The following LHFPL3 variants were observed in gnomAD, a reference collection of about 807,000 sequenced individuals.
The protein encoded by LHFPL3 is LHFPL tetraspan subfamily member 3 protein.
A neutral mutation model predicts 19.3 loss-of-function variants in LHFPL3; 5 were observed. That is an observed-to-expected ratio of 0.26 (90% CI 0.14 to 0.54). The LOEUF is 0.54. LHFPL3 is among the 20% of genes least tolerant of loss of function. LHFPL3 has a pLI of 0.94. For synonymous variants in LHFPL3, 133 were observed against 126.2 expected (o/e 1.05, Z -0.36); for missense variants, 249 against 307.4 (o/e 0.81, Z 1.42).
At chr7:104,838,104 A>G (rs563907591) in intron 2 of LHFPL3, among the ~76,000 whole-genome samples, 132 of 152,314 alleles carry the variant, frequency 8.7e-4, no homozygotes, top group Non-Finnish European at 1.5e-3. Flanking sequence ...ACTTACCTCA[A>G]TGACCCTGGC....
chr7:104,892,134 T>A (rs137931904), intron 2 of LHFPL3, among the ~76,000 whole-genome samples: 1 of 152,206 alleles, frequency 6.6e-6, no homozygotes, highest in South Asian at 2.1e-4. Flanking sequence ...GAGGAATGCA[T>A]TGAATGTATG....
At chr7:104,344,162 T>A (rs4593449) in intron 1 of LHFPL3, among the ~76,000 whole-genome samples, 25,495 of 152,132 alleles carry the variant, frequency 0.17, 2,587 homozygotes, top group Admixed American at 0.31. Context: ...ATAATTATAA[T>A]ACTGGATTTT....
chr7:104,733,358 A>T (rs956198325), intron 1 of LHFPL3, among the ~76,000 whole-genome samples: 2 of 152,136 alleles, frequency 1.3e-5, no homozygotes, highest in Admixed American at 6.5e-5. Flanking sequence ...TGGGAGTCTA[A>T]GTCTCTTTGT....
intron 2 of LHFPL3, among the ~76,000 whole-genome samples, chr7:104,752,501 C>T (rs1037788704): frequency 1.4e-5 from 2 of 145,650 alleles, no homozygotes; most frequent in African/African-American, 2.6e-5. Context: ...AATTCTTTTC[C>T]AATCTTTTAG....
chr7:104,468,745 A>G (rs981655682), intron 1 of LHFPL3, among the ~76,000 whole-genome samples: 16 of 141,094 alleles, frequency 1.1e-4, no homozygotes, highest in African/African-American at 4.0e-4. Flanking sequence ...TGCAACCTCC[A>G]CCTCGCGGGT....
At chr7:104,708,471 G>C (rs1793232580) in intron 1 of LHFPL3, among the ~76,000 whole-genome samples, 1 of 152,044 alleles carries the variant, frequency 6.6e-6, no homozygotes, top group Non-Finnish European at 1.5e-5. Context: ...TATAAATCAA[G>C]CTCACATTGT....
chr7:104,654,675 T>C (rs1792090867), intron 1 of LHFPL3, among the ~76,000 whole-genome samples: 3 of 152,216 alleles, frequency 2.0e-5, no homozygotes, highest in Admixed American at 6.5e-5. Context: ...GTAGTAATAA[T>C]ACTTGTAAGG....
intron 2 of LHFPL3, among the ~76,000 whole-genome samples, chr7:104,815,882 T>C (rs900682042): frequency 2.0e-5 from 3 of 152,174 alleles, no homozygotes; most frequent in Non-Finnish European, 4.4e-5. Flanking sequence ...GTAGGAATTC[T>C]CAAGGTCCCT....
At position 104,656,047 on chromosome 7, in the gene LHFPL3, A is replaced by G. The variant is rs534922688; in HGVS notation, c.446-80628A>G. On this transcript the variant is annotated intron_variant, in intron 1 of 2. Transcript: ENST00000424859. ...GACATTTGGTTTTACACCTTTTATC[A>G]TCAATCTGGTTGTACAAAAAATAAT... Among the ~76,000 whole-genome samples the G allele has an allele frequency of 9.8e-5, 15 of 152,316 alleles. No individual in the cohort carries two copies. The South Asian group carries it at 3.1e-3, about 32-fold the overall frequency.
intron 1 of LHFPL3, among the ~76,000 whole-genome samples, chr7:104,438,226 C>T (rs141579125): frequency 1.6e-4 from 25 of 152,322 alleles, no homozygotes; most frequent in African/African-American, 6.0e-4. Context: ...TCTGTTACAC[C>T]ATGCACTTTT....
intron 2 of LHFPL3, among the ~76,000 whole-genome samples, chr7:104,747,383 C>T (rs180850801): frequency 1.4e-4 from 21 of 152,246 alleles, no homozygotes; most frequent in South Asian, 4.2e-4. Flanking sequence ...TCAGAAGTAA[C>T]GGAGGGAAGA....
chr7:104,869,835 C>T (rs1165028512), intron 2 of LHFPL3, among the ~76,000 whole-genome samples: 1 of 152,130 alleles, frequency 6.6e-6, no homozygotes, highest in East Asian at 1.9e-4. Context: ...AGACTTGGAA[C>T]CAACCCAAAT....
chr7:104,655,623 G>C (rs541844686), intron 1 of LHFPL3, among the ~76,000 whole-genome samples: 1 of 152,196 alleles, frequency 6.6e-6, no homozygotes, highest in African/African-American at 2.4e-5. Flanking sequence ...AGGGAATTTT[G>C]TTACAAGAAA....
At chr7:104,419,062 T>G (rs916976049) in intron 1 of LHFPL3, among the ~76,000 whole-genome samples, 1 of 152,240 alleles carries the variant, frequency 6.6e-6, no homozygotes, top group African/African-American at 2.4e-5. Flanking sequence ...GTTTAAGATT[T>G]AACAAGATGT....
At chr7:104,803,776 T>C (rs1790301339) in intron 2 of LHFPL3, among the ~76,000 whole-genome samples, 1 of 152,250 alleles carries the variant, frequency 6.6e-6, no homozygotes. Context: ...TATTTGCTGA[T>C]GAATGAACTT....
At chr7:104,714,017 T>C (rs1253508800) in intron 1 of LHFPL3, among the ~76,000 whole-genome samples, 1 of 152,224 alleles carries the variant, frequency 6.6e-6, no homozygotes, top group Non-Finnish European at 1.5e-5. Flanking sequence ...TTAAGTCTCA[T>C]TTTAGTCTAG....
At chr7:104,548,910 T>C (rs1180457070) in intron 1 of LHFPL3, among the ~76,000 whole-genome samples, 1 of 152,188 alleles carries the variant, frequency 6.6e-6, no homozygotes, top group African/African-American at 2.4e-5. Flanking sequence ...CACAGCTTGG[T>C]ACATGTGTTT....
intron 1 of LHFPL3, among the ~76,000 whole-genome samples, chr7:104,650,172 A>C (rs1317858558): frequency 1.3e-5 from 2 of 152,226 alleles, no homozygotes; most frequent in Non-Finnish European, 2.9e-5. Context: ...CTAAGATGCC[A>C]AGATTGGATG....
chr7:104,669,826 C>T (rs1263179196), intron 1 of LHFPL3, among the ~76,000 whole-genome samples: 5 of 152,264 alleles, frequency 3.3e-5, no homozygotes, highest in Middle Eastern at 3.4e-3. Context: ...AGTTGTGGTG[C>T]GTTATGTCAC....
Sources: gnomAD v4.1 joint callset for allele counts (sites outside exome capture counted in the v4.1 genomes callset) on GRCh38, gnomAD v4.1.1 for gene constraint, MANE v1.5 for transcripts, NCBI Gene and HGNC (gene_info 2026-07-23, HGNC 2026-07-21) for gene names.